Variants in GRIK4 observed in about 807,000 individuals in gnomAD.
GRIK4 encodes the protein glutamate receptor ionotropic, kainate 4.
A neutral mutation model predicts 104.9 loss-of-function variants in GRIK4; 40 were observed. The observed-to-expected ratio is 0.38, with a 90% CI of 0.30 to 0.50. The LOEUF (loss-of-function observed/expected upper bound fraction) is 0.50, where lower values mean the gene tolerates loss of function less well. Ranked by LOEUF, GRIK4 falls within the 20% of genes least tolerant of loss-of-function variation. The probability of loss-of-function intolerance (pLI) is 0.93; values close to 1 mark genes in which losing one functional copy is unlikely to be tolerated. For missense variants in GRIK4, 1,047 were observed against 1,308.1 expected (o/e 0.80, Z 3.08); for synonymous variants, 485 against 524.9 (o/e 0.92, Z 1.04).
chr11:120,928,993 G>A (rs949074672), intron 13 of GRIK4, among the ~76,000 whole-genome samples: 2 of 137,776 alleles, frequency 1.5e-5, no homozygotes, highest in Non-Finnish European at 3.2e-5. Flanking sequence ...GTGTGTGCGC[G>A]CGTGCACGCG....
intron 3 of GRIK4, among the ~76,000 whole-genome samples, chr11:120,680,206 T>C (rs188995498): frequency 2.0e-5 from 3 of 152,310 alleles, no homozygotes; most frequent in Admixed American, 6.5e-5. Context: ...GCCTCCCAAG[T>C]AGCTGGGACT....
Position 120,940,512 on chromosome 11 carries a change from A to G in GRIK4, c.1590+52A>G. 2.0e-6 allele frequency: 2 copies of G among 982,384 alleles called. No individual in the cohort carries two copies. Among genetic ancestry groups the G allele is most frequent in the Non-Finnish European group, 3.3e-6 (2 of 615,172 alleles). 60.9% of individuals were successfully genotyped at this position (982,384 alleles called of 1,614,324 possible). ...ATGTCATTAAAGTTATTTGCATGCAAACACTGAGTTATACGGGAATAATGA... is the reference window on the plus strand; with the variant it reads ...ATGTCATTAAAGTTATTTGCATGCAGACACTGAGTTATACGGGAATAATGA... On this transcript the variant is annotated intron_variant, in intron 14 of 20. Transcript: ENST00000527524. The surrounding 1 kb of genome is among the most constrained non-coding windows in gnomAD (Gnocchi z 4.3).
intron 1 of GRIK4, among the ~76,000 whole-genome samples, chr11:120,630,810 A>G (rs765194633): frequency 1.2e-4 from 18 of 152,240 alleles, no homozygotes; most frequent in Admixed American, 9.2e-4. Flanking sequence ...AGGGTTCTAG[A>G]GTCCTGACTG....
chr11:120,520,973 G>A (rs976225051), intron 1 of GRIK4, among the ~76,000 whole-genome samples: 13 of 152,198 alleles, frequency 8.5e-5, no homozygotes, highest in Admixed American at 7.9e-4. Context: ...GTGGGTTTGG[G>A]CGGGGCACGG....
chr11:120,530,685 G>A (rs1244943819), intron 1 of GRIK4, among the ~76,000 whole-genome samples: 1 of 152,120 alleles, frequency 6.6e-6, no homozygotes, highest in African/African-American at 2.4e-5. Context: ...GTTCTGCCAC[G>A]CAGGGCTGAG....
rs754806257 is a variant in GRIK4 at position 120,874,266 on chromosome 11, T to C, written c.1059+48T>C. On this transcript the variant is annotated intron_variant, in intron 10 of 20. Coordinates refer to ENST00000527524, the MANE Select transcript of GRIK4 (RefSeq NM_014619.5). ...CAGGGCTGTGCCCAGGCTAGTGGGG[T>C]GGGACACTTGGTTCAAGGTACAAGA... 10 of 1,501,234 alleles carry C rather than the reference T, an allele frequency of 6.7e-6. No individual in the cohort carries two copies. The African/African-American group carries it at 6.9e-5, about 10-fold the overall frequency. 93.0% of individuals were successfully genotyped at this position (1,501,234 alleles called of 1,614,324 possible).
intron 4 of GRIK4, among the ~76,000 whole-genome samples, chr11:120,812,845 G>A (rs1489730238): frequency 6.6e-6 from 1 of 152,226 alleles, no homozygotes; most frequent in Non-Finnish European, 1.5e-5. Context: ...GGTGGAGGCT[G>A]TAGGCAATGG....
chr11:120,684,859 G>A (rs1230347745), intron 3 of GRIK4, among the ~76,000 whole-genome samples: 1 of 152,112 alleles, frequency 6.6e-6, no homozygotes, highest in African/African-American at 2.4e-5. Flanking sequence ...ACAGGCGCCC[G>A]CCACCGCGCC....
At chr11:120,612,385 G>T (rs891537600) in intron 1 of GRIK4, among the ~76,000 whole-genome samples, 1 of 152,064 alleles carries the variant, frequency 6.6e-6, no homozygotes, top group Admixed American at 6.5e-5. Context: ...TTCCGTGAGA[G>T]CAAGGATTTT....
intron 8 of GRIK4, among the ~76,000 whole-genome samples, chr11:120,840,922 TG>T (rs1953697277): frequency 6.6e-6 from 1 of 152,098 alleles, no homozygotes; most frequent in South Asian, 2.1e-4. Context: ...GTAACCTCCA[TG>T]TTATTTTCTT....
chr11:120,745,076 G>A (rs1348308587), intron 3 of GRIK4, among the ~76,000 whole-genome samples: 2 of 152,186 alleles, frequency 1.3e-5, no homozygotes, highest in African/African-American at 4.8e-5. Flanking sequence ...GGATGTAAAT[G>A]GGAATGACCG....
chr11:120,570,567 C>T (rs1276130192), intron 1 of GRIK4, among the ~76,000 whole-genome samples: 1 of 152,154 alleles, frequency 6.6e-6, no homozygotes, highest in Non-Finnish European at 1.5e-5. Flanking sequence ...GATCATCACC[C>T]CACCTCAGCC....
chr11:120,613,891 C>T (rs894405619), intron 1 of GRIK4, among the ~76,000 whole-genome samples: 6 of 152,188 alleles, frequency 3.9e-5, no homozygotes, highest in Non-Finnish European at 7.3e-5. Flanking sequence ...GCAAAGTTGC[C>T]AGCCCTACTA....
At chr11:120,764,469 A>G (rs980925086) in intron 3 of GRIK4, among the ~76,000 whole-genome samples, 21 of 152,142 alleles carry the variant, frequency 1.4e-4, no homozygotes, top group African/African-American at 5.1e-4. Flanking sequence ...GTTATGTGTG[A>G]ATTTGATCCT....
intron 13 of GRIK4, chr11:120,936,221 C>A: frequency 2.4e-6 from 1 of 417,578 alleles, no homozygotes; most frequent in East Asian, 7.2e-5. Flanking sequence ...CTTCACAGCC[C>A]TCTTTTCATA....
chr11:120,560,900 C>T (rs1321446051), intron 1 of GRIK4, among the ~76,000 whole-genome samples: 1 of 152,150 alleles, frequency 6.6e-6, no homozygotes, highest in East Asian at 1.9e-4. Flanking sequence ...TCTGTGGGTC[C>T]TTTCTGTCTG....
chr11:120,959,140 C>G (rs1944232188), intron 16 of GRIK4, among the ~76,000 whole-genome samples: 1 of 152,188 alleles, frequency 6.6e-6, no homozygotes, highest in Non-Finnish European at 1.5e-5. Flanking sequence ...TTCATTTTAT[C>G]TCACAACTCT....
chr11:120,889,589 ATTTTTTTTTTTTTTTTTT>A (rs369264259), intron 11 of GRIK4, among the ~76,000 whole-genome samples: 2 of 62,452 alleles, frequency 3.2e-5, no homozygotes, highest in African/African-American at 1.2e-4. Flanking sequence ...AAGAGCTTAC[ATTTTTTTTTTTTTTTTTT>A]TTTTTTTTTT....
Position 120,874,116 on chromosome 11 carries a change from G to T in GRIK4, c.957G>T (p.Val319=). 1 of 1,613,922 alleles carries T rather than the reference G, an allele frequency of 6.2e-7. No individual in the cohort carries two copies. Among genetic ancestry groups the T allele is most frequent in the South Asian group, 1.1e-5 (1 of 91,076 alleles). ...CTGTCTATGCTGTGGTGACTGCGGT[G>T]CAGGAACTGAACCGGAGCCAAGAGA... ...FDAVYAVVTA[V]QELNRSQEIG... The change falls in exon 10 of 21, where the codon GTG becomes GTT. Residue 319 remains valine (V), a synonymous_variant. Coordinates refer to ENST00000527524, the MANE Select transcript of GRIK4 (RefSeq NM_014619.5).
Sources: gnomAD v4.1 joint callset for allele counts (sites outside exome capture counted in the v4.1 genomes callset) on GRCh38, gnomAD v4.1.1 for gene constraint, Gnocchi (gnomAD v3.1) non-coding constraint, MANE v1.5 for transcripts, NCBI Gene and HGNC (gene_info 2026-07-23, HGNC 2026-07-21) for gene names.